The following H2BK1 variants were observed in gnomAD, a reference collection of about 807,000 sequenced individuals.
The protein encoded by H2BK1 is H2B.K variant histone 1.
chr7:151,208,776 G>C, the H2BK1 span, among the ~76,000 whole-genome samples: 5 of 152,158 alleles, frequency 3.3e-5, no homozygotes, highest in African/African-American at 1.2e-4. Context: ...TTTCCTCTGG[G>C]CCTCAGTTTC....
the H2BK1 span, among the ~76,000 whole-genome samples, chr7:151,208,375 C>A: frequency 2.0e-5 from 3 of 152,256 alleles, no homozygotes; most frequent in African/African-American, 7.2e-5. Context: ...TATGAGCACA[C>A]ACAAGCATCT....
the H2BK1 span, chr7:151,210,332 G>C: frequency 1.1e-5 from 4 of 369,734 alleles, no homozygotes; most frequent in African/African-American, 6.3e-5. Flanking sequence ...CCTGCTTCTC[G>C]AATAGCCCTC....
chr7:151,207,976 G>C, the H2BK1 span: 3 of 1,459,612 alleles, frequency 2.1e-6, no homozygotes, highest in South Asian at 2.3e-5. Context: ...GGACTTCTCG[G>C]GATGTCAGGG....
chr7:151,210,358 GCTA>G, the H2BK1 span: 2 of 346,868 alleles, frequency 5.8e-6, no homozygotes, highest in East Asian at 4.0e-5. Flanking sequence ...CCCCCTTGGA[GCTA>G]CTTTTTATCA....
At chr7:151,210,360 T>TACTTTTTATC in the H2BK1 span, 1 of 321,874 alleles carries the variant, frequency 3.1e-6, no homozygotes, top group Non-Finnish European at 5.5e-6. Flanking sequence ...CCCTTGGAGC[T>TACTTTTTATC]ACTTTTTATC....
chr7:151,210,142 G>A, the H2BK1 span: 7 of 398,422 alleles, frequency 1.8e-5, no homozygotes, highest in Admixed American at 8.8e-5. Flanking sequence ...CTTTCAAGGC[G>A]CTTTGTGAGG....
chr7:151,210,236 C>A, the H2BK1 span: 1 of 399,246 alleles, frequency 2.5e-6, no homozygotes, highest in Non-Finnish European at 4.4e-6. Context: ...CTTGCGCCGA[C>A]AGCGCTTTTT....
the H2BK1 span, chr7:151,208,117 G>A: frequency 1.4e-5 from 23 of 1,613,924 alleles, no homozygotes; most frequent in African/African-American, 4.0e-5. Flanking sequence ...CCTGGAGAGA[G>A]GGCAGCACCA....
At chr7:151,210,078 C>T in the H2BK1 span, 1 of 396,262 alleles carries the variant, frequency 2.5e-6, no homozygotes, top group Non-Finnish European at 4.4e-6. Flanking sequence ...CCTGCCTGAG[C>T]CACTTGCCCC....
the H2BK1 span, chr7:151,210,272 C>T: frequency 5.0e-6 from 2 of 399,254 alleles, no homozygotes. Context: ...AGAACTGCGA[C>T]CCCCACGGCC....
chr7:151,208,456 C>T, the H2BK1 span, among the ~76,000 whole-genome samples: 2 of 152,208 alleles, frequency 1.3e-5, no homozygotes, highest in Non-Finnish European at 1.5e-5. Flanking sequence ...TAGTGTTCCA[C>T]GGTATGGATG....
the H2BK1 span, chr7:151,208,131 G>C: frequency 6.2e-7 from 1 of 1,613,312 alleles, no homozygotes; most frequent in Non-Finnish European, 8.5e-7. Flanking sequence ...AGCACCACTC[G>C]GTTAATGGAA....
the H2BK1 span, chr7:151,207,890 T>G: frequency 1.9e-6 from 2 of 1,035,386 alleles, no homozygotes; most frequent in South Asian, 1.3e-5. Context: ...GCTGGTGTAC[T>G]TGGTGACAGC....
At chr7:151,209,582 C>T in the H2BK1 span, among the ~76,000 whole-genome samples, 1 of 152,160 alleles carries the variant, frequency 6.6e-6, no homozygotes. Flanking sequence ...ATATAGGGCA[C>T]CTGCAGCCCC....
chr7:151,208,133 TTAATG>T, the H2BK1 span: 1 of 1,612,702 alleles, frequency 6.2e-7, no homozygotes, highest in Non-Finnish European at 8.5e-7. Context: ...CACCACTCGG[TTAATG>T]GAAGGGGCCA....
chr7:151,209,603 G>A, the H2BK1 span, among the ~76,000 whole-genome samples: 335 of 152,290 alleles, frequency 2.2e-3, 3 homozygotes, highest in African/African-American at 7.8e-3. Context: ...AGTGTGTTGG[G>A]GAGACGGACA....
At chr7:151,208,760 C>T in the H2BK1 span, among the ~76,000 whole-genome samples, 171 of 152,336 alleles carry the variant, frequency 1.1e-3, 1 homozygote, top group Non-Finnish European at 9.1e-4. Flanking sequence ...ACCTCAAATA[C>T]GGCCCTTTCC....
At chr7:151,208,382 A>G in the H2BK1 span, among the ~76,000 whole-genome samples, 121 of 152,372 alleles carry the variant, frequency 7.9e-4, no homozygotes, top group Non-Finnish European at 1.3e-3. Context: ...ACACACAAGC[A>G]TCTGTATTTA....
chr7:151,207,922 G>A, the H2BK1 span: 183 of 1,183,338 alleles, frequency 1.5e-4, no homozygotes, highest in African/African-American at 6.0e-4. Flanking sequence ...CAGACACAGC[G>A]TGCTTGGCCA....
Sources: allele counts gnomAD v4.1 joint callset (sites outside exome capture counted in the v4.1 genomes callset), GRCh38; gene constraint gnomAD v4.1.1; transcripts MANE v1.5; gene names NCBI Gene and HGNC (gene_info 2026-07-23, HGNC 2026-07-21).